Variants in PLXNA4 observed in about 807,000 individuals in gnomAD.
PLXNA4 encodes plexin-A4.
Under a neutral mutation model 191.8 loss-of-function variants are expected in PLXNA4, and 44 were observed. The observed-to-expected ratio is 0.23, with a 90% confidence interval of 0.18 to 0.29. The LOEUF (loss-of-function observed/expected upper bound fraction) is 0.29. Ranked by LOEUF, PLXNA4 falls within the 10% of genes least tolerant of loss-of-function variation. The pLI is 1.00. For synonymous variants in PLXNA4, 1,082 were observed against 1,009.5 expected (o/e 1.07, Z -1.36); for missense variants, 1,800 against 2,488.8 (o/e 0.72, Z 5.89).
chr7:132,192,905 G>A (rs1797136789), intron 14 of PLXNA4, among the ~76,000 whole-genome samples: 1 of 152,082 alleles, frequency 6.6e-6, no homozygotes, highest in Admixed American at 6.5e-5. Context: ...GGACTGGGGA[G>A]AGATCCTCAG....
chr7:132,166,123 G>A (rs542935619), intron 22 of PLXNA4, among the ~76,000 whole-genome samples: 1 of 152,104 alleles, frequency 6.6e-6, no homozygotes, highest in East Asian at 2.0e-4. Context: ...CTTGAACCCA[G>A]GAGGTGGAGG....
In PLXNA4 at chr7:132,191,033, G is replaced by A. The variant is rs185886036; in HGVS notation, c.2856+3029C>T. Among the ~76,000 whole-genome samples, 689 of 152,072 alleles carry A rather than the reference G, an allele frequency of 4.5e-3. 7 individuals are homozygous for A. The highest frequency in any genetic ancestry group is 0.015 in the African/African-American group (643 of 41,532). ...TTGACGAATAAGGAGGATATGGCTC[G>A]TGCAACCAAGAGAAGGAGATAGAGA... On this transcript the variant is annotated intron_variant, in intron 14 of 31. Transcript: ENST00000321063.
chr7:132,567,459 T>C (rs1342055761), intron 1 of PLXNA4, among the ~76,000 whole-genome samples: 8 of 152,278 alleles, frequency 5.3e-5, no homozygotes, highest in Non-Finnish European at 8.8e-5. Context: ...GCTCAGCCTG[T>C]ACCCATCTGG....
intron 4 of PLXNA4, among the ~76,000 whole-genome samples, chr7:132,258,997 C>T (rs1207089945): frequency 2.6e-5 from 4 of 152,156 alleles, no homozygotes; most frequent in African/African-American, 9.6e-5. Flanking sequence ...GGTACTGTTG[C>T]CCTAATTTAT....
At chr7:132,245,600 C>T in intron 4 of PLXNA4, among the ~76,000 whole-genome samples, 1 of 152,154 alleles carries the variant, frequency 6.6e-6, no homozygotes, top group East Asian at 1.9e-4. Context: ...GCAAAACAAC[C>T]AAAAGCAGGA....
intron 14 of PLXNA4, among the ~76,000 whole-genome samples, chr7:132,188,039 A>G (rs1031830228): frequency 2.0e-5 from 3 of 151,570 alleles, no homozygotes; most frequent in South Asian, 2.1e-4. Flanking sequence ...CATAACTGAG[A>G]TCTTACCCCA....
At chr7:132,191,031 T>C (rs1797070359) in intron 14 of PLXNA4, among the ~76,000 whole-genome samples, 1 of 152,094 alleles carries the variant, frequency 6.6e-6, no homozygotes, top group Non-Finnish European at 1.5e-5. Context: ...AGGATATGGC[T>C]CGTGCAACCA....
intron 3 of PLXNA4, among the ~76,000 whole-genome samples, chr7:132,487,298 G>C (rs902335896): frequency 5.9e-5 from 9 of 152,220 alleles, no homozygotes; most frequent in Non-Finnish European, 1.3e-4. Flanking sequence ...GGGCAAGGCA[G>C]GAAGTTACTT....
chr7:132,449,033 T>C (rs954908189), intron 3 of PLXNA4, among the ~76,000 whole-genome samples: 3 of 152,132 alleles, frequency 2.0e-5, no homozygotes, highest in Non-Finnish European at 4.4e-5. Flanking sequence ...TTGAATTGGA[T>C]TGGTGGCAAA....
intron 3 of PLXNA4, among the ~76,000 whole-genome samples, chr7:132,459,056 TAC>T (rs1796406620): frequency 6.6e-6 from 1 of 152,116 alleles, no homozygotes; most frequent in Admixed American, 6.5e-5. Context: ...GAAGTATAAA[TAC>T]ACACATCTAC....
At chr7:132,529,494 A>G (rs1035744923) in intron 1 of PLXNA4, among the ~76,000 whole-genome samples, 6 of 152,174 alleles carry the variant, frequency 3.9e-5, no homozygotes, top group African/African-American at 1.2e-4. Context: ...CATTGGATTC[A>G]CTGGGAAAGT....
At chr7:132,261,242 G>C (rs1044736638) in intron 4 of PLXNA4, among the ~76,000 whole-genome samples, 6 of 152,214 alleles carry the variant, frequency 3.9e-5, no homozygotes, top group African/African-American at 1.4e-4. Context: ...CCAATGTGGA[G>C]AGCCAAGGTT....
intron 1 of PLXNA4, among the ~76,000 whole-genome samples, chr7:132,515,558 C>T (rs1472013469): frequency 6.6e-6 from 1 of 152,162 alleles, no homozygotes; most frequent in Non-Finnish European, 1.5e-5. Context: ...CAGATCTGTG[C>T]CTTCCACTGC....
intron 4 of PLXNA4, chr7:132,264,012 A>G (rs777565443): frequency 6.6e-6 from 1 of 152,200 alleles, no homozygotes; most frequent in Non-Finnish European, 1.5e-5. Flanking sequence ...ACTGCCTTCC[A>G]TTAAGGCACC....
chr7:132,578,086 A>G (rs1344328891), upstream of PLXNA4, among the ~76,000 whole-genome samples: 1 of 152,156 alleles, frequency 6.6e-6, no homozygotes, highest in African/African-American at 2.4e-5. Context: ...CTGAAGCCCA[A>G]AGAAAGAAAT....
At chr7:132,426,488 GT>G (rs1266096368) in intron 3 of PLXNA4, among the ~76,000 whole-genome samples, 12 of 152,190 alleles carry the variant, frequency 7.9e-5, no homozygotes, top group African/African-American at 2.9e-4. Flanking sequence ...CTCCCTGTTG[GT>G]TGAAGGGGCA....
In PLXNA4 at chr7:132,474,214, T is replaced by TCACACACACACACA. The variant is rs56832356; in HGVS notation, c.1371+15064_1371+15077dup. On this transcript the variant is annotated intron_variant, in intron 3 of 31. Coordinates refer to ENST00000321063, the MANE Select transcript of PLXNA4 (RefSeq NM_020911.2). ...TGAGCCAAGATCAGATCTCTCTGTC[T>TCACACACACACACA]CACACACACACACACACACACACAC... Among the ~76,000 whole-genome samples, 932 of 140,270 alleles carry TCACACACACACACA rather than the reference T, an allele frequency of 6.6e-3. 9 individuals are homozygous for TCACACACACACACA. The highest frequency in any genetic ancestry group is 0.017 in the African/African-American group (649 of 37,370). The allele number at this position is 140,270 out of a possible 152,430, so 92.0% of individuals were successfully genotyped here.
intron 3 of PLXNA4, among the ~76,000 whole-genome samples, chr7:132,467,739 T>C (rs1046073158): frequency 1.3e-5 from 2 of 152,208 alleles, no homozygotes; most frequent in Non-Finnish European, 2.9e-5. Flanking sequence ...ATAGGTGGTA[T>C]GGGAGTAAGT....
intron 2 of PLXNA4, among the ~76,000 whole-genome samples, chr7:132,620,909 A>G (rs1010722761): frequency 6.6e-6 from 1 of 152,160 alleles, no homozygotes; most frequent in Non-Finnish European, 1.5e-5. Flanking sequence ...GTTCTGACCA[A>G]TTTAGTATCC....
Sources: gnomAD v4.1 joint callset for allele counts (sites outside exome capture counted in the v4.1 genomes callset) on GRCh38, gnomAD v4.1.1 for gene constraint, MANE v1.5 for transcripts, NCBI Gene and HGNC (gene_info 2026-07-23, HGNC 2026-07-21) for gene names.